The following METTL13 variants were observed in gnomAD, a reference collection of about 807,000 sequenced individuals.
The protein encoded by METTL13 is eEF1A lysine and N-terminal methyltransferase.
A neutral mutation model predicts 67.4 loss-of-function variants in METTL13; 52 were observed. The observed-to-expected ratio is 0.77, with a 90% CI of 0.62 to 0.97. The LOEUF (loss-of-function observed/expected upper bound fraction) is 0.97. METTL13 is among the 50% of genes least tolerant of loss of function. The probability of loss-of-function intolerance (pLI) is 0.00; values close to 1 mark genes in which losing one functional copy is unlikely to be tolerated. For missense variants in METTL13, 825 were observed against 889.6 expected (o/e 0.93, Z 0.92); for synonymous variants, 354 against 353.6 (o/e 1.00, Z -0.01).
intron 4 of METTL13, among the ~76,000 whole-genome samples, chr1:171,789,223 A>T (rs975621784): frequency 6.6e-6 from 1 of 152,136 alleles, no homozygotes; most frequent in African/African-American, 2.4e-5. Context: ...TTAAAAAGTG[A>T]TTTAATATAT....
intron 7 of METTL13, among the ~76,000 whole-genome samples, chr1:171,796,101 G>C (rs898929470): frequency 1.3e-5 from 2 of 151,926 alleles, no homozygotes; most frequent in Non-Finnish European, 2.9e-5. Flanking sequence ...TCCTGACTTC[G>C]AGTGATCCGC....
rs1249834990 is a variant in METTL13 at position 171,792,215 on chromosome 1, G to T, written c.1673G>T (p.Ser558Ile). 4.3e-6 allele frequency: 7 copies of T among 1,614,092 alleles called. No homozygotes were observed. Among genetic ancestry groups the T allele is most frequent in the African/African-American group, 1.3e-5 (1 of 74,946 alleles). The change falls in exon 6 of 8, where the codon AGC becomes ATC. Residue 558 changes from serine to isoleucine, a missense_variant. Transcript: ENST00000361735. Reference protein sequence around the residue: ...HIADGLDYIASLAGGGEARPC... With the variant: ...HIADGLDYIAILAGGGEARPC... ...GCAGATGGCCTGGACTATATCGCCA[G>T]CTTGGCAGGAGGAGGAGAAGGTACT... is the stretch of plus-strand genomic sequence containing the variant.
In METTL13 at chr1:171,784,118, G is replaced by A. The variant is rs1316312402; in HGVS notation, c.532G>A (p.Gly178Arg). The A allele has an allele frequency of 1.2e-6, 2 of 1,614,236 alleles. No individual in the cohort carries two copies. The highest frequency in any genetic ancestry group is 1.7e-5 in the Admixed American group (1 of 60,036). Residue 178 changes from glycine (G) to arginine (R), a missense_variant, in exon 2 of 8, where the codon GGG becomes AGG. Physicochemically the swap from Gly to Arg is moderately radical, Grantham distance 125. Transcript: ENST00000361735. ...KKAVGHFSRE[G>R]WMVRVHQVAN... ...AGCAGTGGGCCACTTCTCCCGGGAG[G>A]GGTGGATGGTGAGGGTGCACCAAGT...
chr1:171,787,469 A>T (rs571802655), intron 3 of METTL13, among the ~76,000 whole-genome samples: 5 of 152,172 alleles, frequency 3.3e-5, no homozygotes, highest in Non-Finnish European at 5.9e-5. Context: ...AAAAACCCCT[A>T]AAAGAACTTG....
chr1:171,794,456 T>C lies in METTL13; in HGVS notation c.1754T>C (p.Met585Thr). ...DVDSKDPTLG[M>T]SCPPPAFVEQ... ...GACAGTAAGGACCCAACACTGGGAA[T>C]GAGTTGTCCGCCCCCAGCATTTGTG... Residue 585 changes from methionine to threonine, a missense_variant, in exon 7 of 8, where the codon ATG becomes ACG. Transcript: ENST00000361735. 6.2e-7 allele frequency: 1 copy of C among 1,614,226 alleles called. No homozygotes were observed.
At chr1:171,788,632 T>C (rs759461596) in intron 4 of METTL13, among the ~76,000 whole-genome samples, 1 of 152,154 alleles carries the variant, frequency 6.6e-6, no homozygotes, top group Non-Finnish European at 1.5e-5. Flanking sequence ...GGGGAATCAA[T>C]AGTTTGTTTT....
Position 171,787,108 on chromosome 1 carries a change from A to G in METTL13, c.1114-627A>G, listed in dbSNP as rs3891278. On this transcript the variant is annotated intron_variant, in intron 3 of 7. Transcript: ENST00000361735. ...AAGCCCAGATCCTCTGAGGAGCTTCATTTGTGGCCTCTCACCAGTGCCTGA... is the reference window on the plus strand; with the variant it reads ...AAGCCCAGATCCTCTGAGGAGCTTCGTTTGTGGCCTCTCACCAGTGCCTGA... Among the ~76,000 whole-genome samples the G allele has an allele frequency of 8.7e-3, 1,329 of 152,030 alleles. 20 individuals are homozygous for G. The highest frequency in any genetic ancestry group is 0.03 in the African/African-American group (1,257 of 41,458).
chr1:171,783,780 A>G lies in METTL13; in HGVS notation c.194A>G (p.Gln65Arg). 6.2e-7 allele frequency: 1 copy of G among 1,613,632 alleles called. No homozygotes were observed. The highest frequency in any genetic ancestry group is 1.1e-5 in the South Asian group (1 of 91,030). Residue 65 changes from glutamine (Q) to arginine (R), a missense_variant, in exon 2 of 8, where the codon CAA becomes CGA. Gln to Arg is a conservative substitution (Grantham distance 43). Transcript: ENST00000361735. ...IGCGNSELSEQLYDVGYRDIV... is the reference protein window; with the variant it reads ...IGCGNSELSERLYDVGYRDIV... ...TGTGGCAACTCAGAACTGAGTGAGCAACTGTATGATGTGGGCTATCGGGAT... is the reference window on the plus strand; with the variant it reads ...TGTGGCAACTCAGAACTGAGTGAGCGACTGTATGATGTGGGCTATCGGGAT...
At position 171,790,511 on chromosome 1, in the gene METTL13, C is replaced by T. The variant is rs1410105847; in HGVS notation, c.1369C>T (p.Pro457Ser). The change falls in exon 5 of 8, where the codon CCT becomes TCT. Residue 457 changes from proline to serine, a missense_variant. Coordinates refer to ENST00000361735, the MANE Select transcript of METTL13 (RefSeq NM_015935.5). ...KQRPADAEDL[P>S]AAPGQSIDKS... is the part of the protein sequence containing the mutation. ...GCGGCCTGCTGATGCGGAGGACCTCCCTGCAGCCCCGGGGCAGTCCATTGA... is the reference window on the plus strand; with the variant it reads ...GCGGCCTGCTGATGCGGAGGACCTCTCTGCAGCCCCGGGGCAGTCCATTGA... The T allele has an allele frequency of 1.2e-6, 2 of 1,611,884 alleles. No individual in the cohort carries two copies. Among genetic ancestry groups the T allele is most frequent in the Non-Finnish European group, 1.7e-6 (2 of 1,179,528 alleles).
chr1:171,792,069 C>G lies in METTL13; in HGVS notation c.1527C>G (p.Leu509=). 1 of 1,613,502 alleles carries G rather than the reference C, an allele frequency of 6.2e-7. No homozygotes were observed. The part of the protein sequence containing the change: ...VVGLGGGSLP[L]FVHDHFPKSC... Reference sequence around the variant, plus strand: ...GCCTGGGCGGGGGCAGCCTCCCCCTCTTTGTCCACGATCATTTTCCAAAGT... The same window carrying G: ...GCCTGGGCGGGGGCAGCCTCCCCCTGTTTGTCCACGATCATTTTCCAAAGT... Residue 509 remains leucine, a synonymous_variant, in exon 6 of 8, where the codon CTC becomes CTG. Coordinates refer to ENST00000361735, the MANE Select transcript of METTL13 (RefSeq NM_015935.5).
At position 171,790,528 on chromosome 1, in the gene METTL13, G is replaced by A. The variant is rs1657168384; in HGVS notation, c.1386G>A (p.Gln462=). The A allele has an allele frequency of 1.2e-6, 2 of 1,612,788 alleles. No homozygotes were observed. The highest frequency in any genetic ancestry group is 4.5e-5 in the East Asian group (2 of 44,762). ...DAEDLPAAPG[Q]SIDKSYLCCE... is the part of the protein sequence containing the mutation. ...AGGACCTCCCTGCAGCCCCGGGGCAGTCCATTGATAAGAGTTACCTGTGTT... is the reference window on the plus strand; with the variant it reads ...AGGACCTCCCTGCAGCCCCGGGGCAATCCATTGATAAGAGTTACCTGTGTT... The change falls in exon 5 of 8, where the codon CAG becomes CAA. Residue 462 remains glutamine, a synonymous_variant. Coordinates refer to ENST00000361735, the MANE Select transcript of METTL13 (RefSeq NM_015935.5).
At position 171,794,466 on chromosome 1, in the gene METTL13, G is replaced by A. The variant is rs111707385; in HGVS notation, c.1764G>A (p.Pro588=). The change falls in exon 7 of 8, where the codon CCG becomes CCA. Residue 588 remains proline, a synonymous_variant. Transcript: ENST00000361735. The part of the protein sequence containing the change: ...SKDPTLGMSC[P]PPAFVEQSFL... ...ACCCAACACTGGGAATGAGTTGTCC[G>A]CCCCCAGCATTTGTGGAGCAATCTT... is the stretch of plus-strand genomic sequence containing the variant. The A allele has an allele frequency of 9.3e-6, 15 of 1,614,194 alleles. No homozygotes were observed. Among genetic ancestry groups the A allele is most frequent in the Admixed American group, 3.3e-5 (2 of 60,022 alleles).
Position 171,796,720 on chromosome 1 carries a change from CT to C in METTL13, c.2066del (p.Leu689CysfsTer8). The C allele has an allele frequency of 6.2e-7, 1 of 1,614,176 alleles. No homozygotes were observed. The highest frequency in any genetic ancestry group is 8.5e-7 in the Non-Finnish European group (1 of 1,180,038). On this transcript the variant is annotated frameshift_variant, in exon 8 of 8. Transcript: ENST00000361735. LOFTEE classifies it high-confidence loss of function. ...GGAGGGGTTGGGATGACACGTATGT[CT>C]TGTCAGATATGCTCAAGACGGTGAA... ...PGRGWDDTYV[L>X]SDMLKTVKIV
In METTL13 at chr1:171,794,382, C is replaced by A. The variant is rs909958; in HGVS notation, c.1694-14C>A. 453,584 of 1,613,472 alleles carry A rather than the reference C, an allele frequency of 0.28. 66,387 individuals carry two copies. The highest frequency in any genetic ancestry group is 0.56 in the East Asian group (25,110 of 44,860). ...TCCAGCAAAGACAAGGACTTGTTTC[C>A]TTCTTTTTCCCAGCACGGCCTTGCT... On this transcript the variant is annotated splice_polypyrimidine_tract_variant and intron_variant, in intron 6 of 7. Coordinates refer to ENST00000361735, the MANE Select transcript of METTL13 (RefSeq NM_015935.5).
intron 7 of METTL13, 72 bp downstream of exon 7, chr1:171,794,599 A>G: frequency 6.2e-7 from 1 of 1,601,818 alleles, no homozygotes; most frequent in Non-Finnish European, 8.5e-7. Context: ...TTAATGAAAA[A>G]TGCACAGAAG....
chr1:171,792,269 G>A (rs1657234051), intron 6 of METTL13, 34 bp downstream of exon 6: 1 of 1,610,416 alleles, frequency 6.2e-7, no homozygotes, highest in African/African-American at 1.3e-5. Context: ...GGGGTGTTGA[G>A]GGATGATTGA....
chr1:171,795,191 G>A (rs1571172680), intron 7 of METTL13, among the ~76,000 whole-genome samples: 2 of 152,260 alleles, frequency 1.3e-5, no homozygotes, highest in Admixed American at 1.3e-4. Flanking sequence ...CATTCACAGT[G>A]TTGTGTTTAC....
In METTL13 at chr1:171,787,864, A is replaced by G. The variant is rs1558131067; in HGVS notation, c.1243A>G (p.Ile415Val). 2 of 1,614,142 alleles carry G rather than the reference A, an allele frequency of 1.2e-6. No homozygotes were observed. Among genetic ancestry groups the G allele is most frequent in the South Asian group, 1.1e-5 (1 of 91,076 alleles). The change falls in exon 4 of 8, where the codon ATC (isoleucine) becomes GTC (valine). Residue 415 changes from isoleucine to valine, a missense_variant. Ile to Val is a conservative substitution (Grantham distance 29). Transcript: ENST00000361735. ...GDDKRYFRRL[I>V]FLSNRNVVQS... ...TGACAAGCGATACTTCCGTCGACTG[A>G]TCTTCCTCAGCAACAGGAATGTGGT...
chr1:171,787,823 A>G lies in METTL13; in HGVS notation c.1202A>G (p.Glu401Gly). The change falls in exon 4 of 8, where the codon GAG becomes GGG. Residue 401 changes from glutamate (E) to glycine (G), a missense_variant. Transcript: ENST00000361735. ...CCCTTGAGCGGTGACTATGTCATTGAGGATGTGCAAGGGGATGACAAGCGA... is the reference window on the plus strand; with the variant it reads ...CCCTTGAGCGGTGACTATGTCATTGGGGATGTGCAAGGGGATGACAAGCGA... ...CSPLSGDYVI[E>G]DVQGDDKRYF... The G allele has an allele frequency of 1.2e-6, 2 of 1,614,148 alleles. No homozygotes were observed. Among genetic ancestry groups the G allele is most frequent in the Non-Finnish European group, 1.7e-6 (2 of 1,180,026 alleles).
Sources: gnomAD v4.1 joint callset for allele counts (sites outside exome capture counted in the v4.1 genomes callset) on GRCh38, gnomAD v4.1.1 for gene constraint, MANE v1.5 for transcripts, NCBI Gene and HGNC (gene_info 2026-07-23, HGNC 2026-07-21) for gene names.